TMC3: variants seen among roughly 807,000 people sequenced by gnomAD.
TMC3 encodes the protein transmembrane channel like 3.
A neutral mutation model predicts 110.6 loss-of-function variants in TMC3; 98 were observed. The ratio of observed to expected loss-of-function variants is 0.89; its 90% CI spans 0.75 to 1.05. TMC3 has a LOEUF of 1.05. Ranked by LOEUF, TMC3 falls within the 50% of genes least tolerant of loss-of-function variation. The pLI is 0.00. For missense variants in TMC3, 1,319 were observed against 1,373.2 expected, an observed-to-expected ratio of 0.96 and a Z score of 0.62; for synonymous variants, 489 against 513.1, an observed-to-expected ratio of 0.95 and a Z score of 0.63.
chr15:81,372,978 C>T (rs1894472144), intron 1 of TMC3, among the ~76,000 whole-genome samples: 1 of 151,882 alleles, frequency 6.6e-6, no homozygotes, highest in African/African-American at 2.4e-5. Context: ...TCAATTACTT[C>T]CACTGGGTCA....
intron 21 of TMC3, 67 bp from the exon 22 acceptor site, chr15:81,333,329 T>G (rs1893517705): frequency 1.3e-6 from 2 of 1,533,340 alleles, no homozygotes; most frequent in South Asian, 2.6e-5. Context: ...CTGAGGACTG[T>G]GAGCTGTGAG....
chr15:81,345,680 A>G (rs1241366916), intron 12 of TMC3, among the ~76,000 whole-genome samples: 1 of 152,032 alleles, frequency 6.6e-6, no homozygotes, highest in African/African-American at 2.4e-5. Flanking sequence ...GACCAGCCTG[A>G]GCAACATGGT....
chr15:81,343,961 G>T lies in TMC3; in HGVS notation c.1603C>A (p.Arg535=), dbSNP rs200703748. 17 of 1,612,884 alleles carry T rather than the reference G, an allele frequency of 1.1e-5. No individual in the cohort carries two copies. Among genetic ancestry groups the T allele is most frequent in the Non-Finnish European group, 1.4e-5 (17 of 1,179,250 alleles). Residue 535 remains arginine (R), a synonymous_variant, in exon 14 of 22, where the codon CGG becomes AGG. Coordinates refer to ENST00000359440, the MANE Select transcript of TMC3 (RefSeq NM_001080532.3). The part of the protein sequence containing the change: ...LIDFFRGLFV[R]YLSDYWCWDL... ...CAACACCAGTAGTCACTTAAGTACC[G>T]CACGAAAAGTCCTCGGAAGAAGTCT...
chr15:81,353,471 T>G (rs1893995123), intron 9 of TMC3, among the ~76,000 whole-genome samples: 1 of 152,346 alleles, frequency 6.6e-6, no homozygotes, highest in East Asian at 1.9e-4. Context: ...GTAAGCTAAT[T>G]CATGGTAAGT....
chr15:81,373,701 A>C (rs1894487218), intron 1 of TMC3, among the ~76,000 whole-genome samples: 1 of 152,192 alleles, frequency 6.6e-6, no homozygotes, highest in Non-Finnish European at 1.5e-5. Flanking sequence ...ACATAGAGAA[A>C]ACAGGGAAAC....
At position 81,371,852 on chromosome 15, in the gene TMC3, T is replaced by C. The variant is rs1268521414; in HGVS notation, c.236+739A>G. ...CAGGGATTTTGAATTTTTAACAATA[T>C]CCAGAGAGCTTAGTGGTTGACATTT... On this transcript the variant is annotated intron_variant, in intron 2 of 21. Transcript: ENST00000359440. Among the ~76,000 whole-genome samples the C allele has an allele frequency of 2.0e-5, 3 of 152,210 alleles. No individual in the cohort carries two copies. In the East Asian group the frequency reaches 5.8e-4, roughly 29 times the overall value.
At chr15:81,368,047 G>A (rs1250321711) in intron 3 of TMC3, among the ~76,000 whole-genome samples, 1 of 152,142 alleles carries the variant, frequency 6.6e-6, no homozygotes, top group East Asian at 1.9e-4. Context: ...CGATTCTCCT[G>A]CCTCAGCCTC....
rs1431182860 is a variant in TMC3 at position 81,331,946 on chromosome 15, T to C, written c.*473A>G. 1 of 154,780 alleles carries C rather than the reference T, an allele frequency of 6.5e-6. No individual in the cohort carries two copies. Among genetic ancestry groups the C allele is most frequent in the Admixed American group, 6.4e-5 (1 of 15,692 alleles). The allele number at this position is 154,780 out of a possible 1,614,324, so 9.6% of individuals were successfully genotyped here. ...GAAGCAACGCAAGACCCCGGAAGCA[T>C]GCCAACGTGTAAAACCCCAAGTCAA... On this transcript the variant is annotated 3_prime_UTR_variant, in exon 22 of 22. Transcript: ENST00000359440.
At chr15:81,343,462 C>A in intron 14 of TMC3, 117 bp from the exon 15 acceptor site, 2 of 689,374 alleles carry the variant, frequency 2.9e-6, no homozygotes, top group East Asian at 2.5e-5. Context: ...GAGATCAGTG[C>A]TTGTGGGGCC....
rs995315039 is a variant in TMC3 at position 81,339,575 on chromosome 15, G to T, written c.1845-71C>A. The T allele has an allele frequency of 3.4e-6, 4 of 1,182,450 alleles. No homozygotes were observed. The African/African-American group carries it at 4.6e-5, about 13-fold the overall frequency. The allele number at this position is 1,182,450 out of a possible 1,614,324, so 73.2% of individuals were successfully genotyped here. On this transcript the variant is annotated intron_variant, in intron 16 of 21. Transcript: ENST00000359440. ...GTTGCCAGGGTTGCATATGCCCAAA[G>T]AGCTGCCACAGAAACGGTTGCCCTG... is the stretch of plus-strand genomic sequence containing the variant.
chr15:81,339,012 T>C (rs1893656542), intron 17 of TMC3, among the ~76,000 whole-genome samples: 1 of 152,234 alleles, frequency 6.6e-6, no homozygotes, highest in Admixed American at 6.5e-5. Flanking sequence ...GTATCAAAGC[T>C]GACTTGAATG....
chr15:81,341,510 G>A lies in TMC3; in HGVS notation c.1724C>T (p.Ala575Val). The change falls in exon 16 of 22, where the codon GCC (alanine) becomes GTC (valine). Residue 575 changes from alanine to valine, a missense_variant. Transcript: ENST00000359440. ...VYNQGMIWMG[A>V]FFSPCLPAFN... ...CGCTGGGAGACATGGGGAGAAGAAG[G>A]CCCCCATCCTGGAACCATGAGGAAG... The A allele has an allele frequency of 6.2e-7, 1 of 1,609,804 alleles. No homozygotes were observed. Among genetic ancestry groups the A allele is most frequent in the South Asian group, 1.1e-5 (1 of 90,068 alleles).
chr15:81,351,791 G>A lies in TMC3; in HGVS notation c.986C>T (p.Ser329Leu), dbSNP rs1893957199. 1 of 1,610,534 alleles carries A rather than the reference G, an allele frequency of 6.2e-7. No homozygotes were observed. The highest frequency in any genetic ancestry group is 8.5e-7 in the Non-Finnish European group (1 of 1,178,476). The change falls in exon 10 of 22, where the codon TCA becomes TTA. Residue 329 changes from serine (S) to leucine (L), a missense_variant. Physicochemically the swap from Ser to Leu is moderately radical, Grantham distance 145. Transcript: ENST00000359440. Reference protein sequence around the residue: ...RIIANILVLLSLAGSIYLIYF... With the variant: ...RIIANILVLLLLAGSIYLIYF... ...GATGAGATAAATGCTCCCAGCCAGT[G>A]AGAGAAGCACCAGGATGTTGGCAAT...
chr15:81,363,082 C>T (rs188207410), intron 3 of TMC3, among the ~76,000 whole-genome samples: 39 of 152,240 alleles, frequency 2.6e-4, no homozygotes, highest in African/African-American at 9.4e-4. Context: ...AAGTGAAACC[C>T]AGTCTCTACT....
At chr15:81,344,682 T>C (rs1893785275) in intron 13 of TMC3, 84 bp downstream of exon 13, 4 of 1,354,960 alleles carry the variant, frequency 3.0e-6, no homozygotes, top group African/African-American at 1.4e-5. Flanking sequence ...TTCTATAACA[T>C]AGGGGCAGTG....
chr15:81,346,225 C>T (rs1346465910), intron 12 of TMC3, 140 bp downstream of exon 12: 2 of 788,210 alleles, frequency 2.5e-6, no homozygotes, highest in Non-Finnish European at 4.2e-6. Context: ...TGAGAAGACT[C>T]CAGCAAAGTC....
intron 3 of TMC3, among the ~76,000 whole-genome samples, chr15:81,365,975 T>C (rs1361584667): frequency 6.6e-6 from 1 of 152,214 alleles, no homozygotes; most frequent in Non-Finnish European, 1.5e-5. Flanking sequence ...GCACATATCA[T>C]TATACATACA....
chr15:81,335,109 C>T, intron 20 of TMC3, 134 bp from the exon 21 acceptor site: 1 of 917,454 alleles, frequency 1.1e-6, no homozygotes, highest in East Asian at 2.7e-5. Context: ...TACAAATGCA[C>T]CTAACCAGTG....
intron 3 of TMC3, among the ~76,000 whole-genome samples, chr15:81,365,875 A>G (rs1223817507): frequency 6.6e-6 from 1 of 152,190 alleles, no homozygotes; most frequent in Non-Finnish European, 1.5e-5. Context: ...AAGTATATTT[A>G]TTCATAGTAT....
Sources: gnomAD v4.1 joint callset for allele counts (sites outside exome capture counted in the v4.1 genomes callset) on GRCh38, gnomAD v4.1.1 for gene constraint, MANE v1.5 for transcripts, NCBI Gene and HGNC (gene_info 2026-07-23, HGNC 2026-07-21) for gene names.